Variants in NUBPL observed in about 807,000 individuals in gnomAD.
NUBPL encodes NUBP iron-sulfur cluster assembly factor, mitochondrial, also known as iron-sulfur cluster transfer protein NUBPL.
A neutral mutation model predicts 45.7 loss-of-function variants in NUBPL; 31 were observed. That is an observed-to-expected ratio of 0.68 (90% CI 0.51 to 0.92). NUBPL has a LOEUF of 0.92. Among genes scored for constraint, NUBPL ranks in the 40% least tolerant of loss-of-function variants. The pLI, the probability that NUBPL is intolerant of heterozygous loss-of-function variation, is 0.00. For synonymous variants in NUBPL, 144 were observed against 140.9 expected, an observed-to-expected ratio of 1.02 and a Z score of -0.15; for missense variants, 401 against 398.7, an observed-to-expected ratio of 1.01 and a Z score of -0.05.
At chr14:31,835,135 C>T (rs996841674) in intron 8 of NUBPL, among the ~76,000 whole-genome samples, 8 of 152,172 alleles carry the variant, frequency 5.3e-5, no homozygotes, top group East Asian at 1.9e-4. Context: ...GGGAGTTCCA[C>T]GTCCAGGATC....
intron 6 of NUBPL, among the ~76,000 whole-genome samples, chr14:31,770,164 G>A (rs778198318): frequency 1.3e-5 from 2 of 152,168 alleles, no homozygotes; most frequent in Non-Finnish European, 2.9e-5. Context: ...CCCAGACAGA[G>A]CTGATGTATC....
At chr14:31,714,103 T>C (rs1373015) in intron 6 of NUBPL, among the ~76,000 whole-genome samples, 111,110 of 152,162 alleles carry the variant, frequency 0.73, 47,083 homozygotes, top group East Asian at 0.99. Flanking sequence ...AGTGTGGCCA[T>C]GTGAACCAGT....
intron 6 of NUBPL, among the ~76,000 whole-genome samples, chr14:31,684,511 G>A (rs2036908390): frequency 6.6e-6 from 1 of 152,120 alleles, no homozygotes; most frequent in Non-Finnish European, 1.5e-5. Context: ...CCACTCTGGT[G>A]GTATGAATAC....
rs139344939 is a variant in NUBPL, at chr14:31,846,528, A to G, written c.751A>G (p.Thr251Ala). ...CCAGTGTCCAAAATGTAAACACAAAACTCATATTTTTGGTGCTGATGGTGC... is the reference window on the plus strand; with the variant it reads ...CCAGTGTCCAAAATGTAAACACAAAGCTCATATTTTTGGTGCTGATGGTGC... ...VFQCPKCKHK[T>A]HIFGADGARK... The change falls in exon 9 of 11, where the codon ACT becomes GCT. Residue 251 changes from threonine (T) to alanine (A), a missense_variant. Transcript: ENST00000281081. 8 of 1,613,482 alleles carry G rather than the reference A, an allele frequency of 5.0e-6. No individual in the cohort carries two copies. In the African/African-American group the frequency reaches 9.3e-5, roughly 19 times the overall value.
At chr14:31,731,874 G>T (rs2038055380) in intron 6 of NUBPL, among the ~76,000 whole-genome samples, 3 of 152,084 alleles carry the variant, frequency 2.0e-5, no homozygotes, top group African/African-American at 7.2e-5. Context: ...TGGAATTCTA[G>T]CTAGCTCTCT....
Position 31,685,384 on chromosome 14 carries a change from A to G in NUBPL, c.513+11810A>G, listed in dbSNP as rs138267553. ...AACAATACTATGTAGGTAGAGGTGT[A>G]TTCTACCTATATAGAGAGTATTGTA... On this transcript the variant is annotated intron_variant, in intron 6 of 10. Coordinates refer to ENST00000281081, the MANE Select transcript of NUBPL (RefSeq NM_025152.3). 7.0e-3 allele frequency among the ~76,000 whole-genome samples: 1,070 copies of G among 152,332 alleles called. 9 individuals are homozygous for G. Among genetic ancestry groups the G allele is most frequent in the Non-Finnish European group, 0.011 (727 of 68,022 alleles).
At chr14:31,798,618 C>T (rs2039516044) in intron 7 of NUBPL, among the ~76,000 whole-genome samples, 1 of 151,138 alleles carries the variant, frequency 6.6e-6, no homozygotes, top group Admixed American at 6.6e-5. Flanking sequence ...CGGTGAAACC[C>T]TGTCTCTACT....
At chr14:31,823,417 A>C (rs887130183) in intron 7 of NUBPL, among the ~76,000 whole-genome samples, 5 of 152,162 alleles carry the variant, frequency 3.3e-5, no homozygotes, top group African/African-American at 1.2e-4. Context: ...GAAAGCTAAG[A>C]ATACTTTTTA....
At chr14:31,660,895 C>T (rs2036252659) in intron 4 of NUBPL, among the ~76,000 whole-genome samples, 1 of 152,126 alleles carries the variant, frequency 6.6e-6, no homozygotes, top group Non-Finnish European at 1.5e-5. Flanking sequence ...AAAAGAAGAT[C>T]TGATTCTAGA....
chr14:31,643,046 G>GT (rs2035749233), intron 4 of NUBPL, among the ~76,000 whole-genome samples: 1 of 152,032 alleles, frequency 6.6e-6, no homozygotes, highest in Non-Finnish European at 1.5e-5. Flanking sequence ...TGTCCTAACA[G>GT]TTTTTTGGTG....
chr14:31,791,142 G>C (rs1015584631), intron 7 of NUBPL, among the ~76,000 whole-genome samples: 8 of 151,972 alleles, frequency 5.3e-5, no homozygotes, highest in African/African-American at 1.9e-4. Flanking sequence ...GCTGGGAGTG[G>C]TGACGTGCAC....
chr14:31,811,798 G>T (rs1035486848), intron 7 of NUBPL, among the ~76,000 whole-genome samples: 7 of 152,150 alleles, frequency 4.6e-5, no homozygotes, highest in South Asian at 4.1e-4. Flanking sequence ...TACAGATGGG[G>T]TTTTTTTGTG....
intron 4 of NUBPL, among the ~76,000 whole-genome samples, chr14:31,643,813 T>C (rs2035771922): frequency 6.6e-6 from 1 of 152,104 alleles, no homozygotes; most frequent in Non-Finnish European, 1.5e-5. Flanking sequence ...ATTATGGCAT[T>C]GATCTCATTA....
chr14:31,785,140 T>G (rs1418542877), intron 6 of NUBPL, among the ~76,000 whole-genome samples: 1 of 152,226 alleles, frequency 6.6e-6, no homozygotes, highest in Non-Finnish European at 1.5e-5. Flanking sequence ...GAGATTCAAA[T>G]AAATTCTTTG....
intron 7 of NUBPL, among the ~76,000 whole-genome samples, chr14:31,820,375 T>C (rs1595677012): frequency 6.6e-6 from 1 of 152,208 alleles, no homozygotes; most frequent in African/African-American, 2.4e-5. Flanking sequence ...AACTCTAGAC[T>C]AATTCATATT....
intron 3 of NUBPL, among the ~76,000 whole-genome samples, chr14:31,586,177 T>G (rs532737451): frequency 1.3e-5 from 2 of 152,310 alleles, no homozygotes; most frequent in South Asian, 4.1e-4. Flanking sequence ...CCATCTGTGC[T>G]AGACACTATG....
At position 31,637,192 on chromosome 14, in the gene NUBPL, T is replaced by G. The variant is rs910073607; in HGVS notation, c.383-36163T>G. On this transcript the variant is annotated intron_variant, in intron 4 of 10. Transcript: ENST00000281081. Reference sequence around the variant, plus strand: ...TTAATTGTGATGTTAGGGTGTCAATTTTGGATCTTTCCTGCTTTCTCTTGT... The same window carrying G: ...TTAATTGTGATGTTAGGGTGTCAATGTTGGATCTTTCCTGCTTTCTCTTGT... Among the ~76,000 whole-genome samples, 329 of 152,292 alleles carry G rather than the reference T, an allele frequency of 2.2e-3. 3 individuals carry two copies. The highest frequency in any genetic ancestry group is 7.5e-3 in the African/African-American group (312 of 41,564).
intron 6 of NUBPL, among the ~76,000 whole-genome samples, chr14:31,765,712 A>C (rs1293589271): frequency 6.6e-6 from 1 of 152,180 alleles, no homozygotes; most frequent in East Asian, 1.9e-4. Flanking sequence ...ATCTAAATTA[A>C]ATTTTGAAAA....
At chr14:31,610,142 T>C (rs968892267) in intron 4 of NUBPL, among the ~76,000 whole-genome samples, 1 of 151,826 alleles carries the variant, frequency 6.6e-6, no homozygotes, top group African/African-American at 2.4e-5. Context: ...TTTAAAAAGA[T>C]TGACAGAATT....
Sources: gnomAD v4.1 joint callset for allele counts (sites outside exome capture counted in the v4.1 genomes callset) on GRCh38, gnomAD v4.1.1 for gene constraint, MANE v1.5 for transcripts, NCBI Gene and HGNC (gene_info 2026-07-23, HGNC 2026-07-21) for gene names.